Variants in APC2 observed in about 807,000 individuals in gnomAD.
APC2 encodes the protein APC regulator of Wnt signaling pathway 2.
A neutral mutation model predicts 72.5 loss-of-function variants in APC2; 41 were observed. That is an observed-to-expected ratio of 0.57 (90% CI 0.44 to 0.73). The LOEUF is 0.73. APC2 is among the 30% of genes least tolerant of loss of function. The pLI, the probability that APC2 is intolerant of heterozygous loss-of-function variation, is 0.00. For synonymous variants in APC2, 1,898 were observed against 1,612.0 expected, an observed-to-expected ratio of 1.18 and a Z score of -4.25; for missense variants, 3,729 against 3,403.4, an observed-to-expected ratio of 1.10 and a Z score of -2.38.
intron 9 of APC2, chr19:1,457,517 C>G (rs1417490307): frequency 7.3e-6 from 4 of 546,066 alleles, no homozygotes; most frequent in Admixed American, 3.8e-5. Flanking sequence ...CTTTGAGATT[C>G]TTTTTTTGCA....
In APC2 at chr19:1,464,567, A is replaced by T. The variant is rs552446881; in HGVS notation, c.1854-588A>T. Among the ~76,000 whole-genome samples the T allele has an allele frequency of 1.1e-3, 171 of 151,646 alleles. 1 individual carries two copies. Among genetic ancestry groups the T allele is most frequent in the African/African-American group, 3.8e-3 (157 of 41,342 alleles). ...CGAAACTTTCTCTCAGAAAAGATAG[A>T]TATAGACAGAATCTATCTAAGTATA... is the stretch of plus-strand genomic sequence containing the variant. On this transcript the variant is annotated intron_variant, in intron 14 of 14. Coordinates refer to ENST00000590469, the MANE Select transcript of APC2 (RefSeq NM_005883.3).
rs193036016 is a variant in APC2, at chr19:1,465,787, C to T, written c.2486C>T (p.Ala829Val). Residue 829 changes from alanine (A) to valine (V), a missense_variant, in exon 15 of 15, where the codon GCA (alanine) becomes GTA (valine). Transcript: ENST00000590469. ...CCCACCCGCCGAGGCGGCAAGGAGG[C>T]AGAGAAGGACACCAGTGGGGAGGCA... The part of the protein sequence containing the change: ...TPPTRRGGKE[A>V]EKDTSGEAAV... The T allele has an allele frequency of 3.7e-5, 59 of 1,577,436 alleles. 1 individual carries two copies. The East Asian group carries it at 1.4e-3, about 36-fold the overall frequency.
At chr19:1,461,277 T>G in intron 13 of APC2, 124 bp downstream of exon 13, 1 of 849,188 alleles carries the variant, frequency 1.2e-6, no homozygotes, top group Non-Finnish European at 1.9e-6. Context: ...TAGCGGGTGG[T>G]CCAGCCTCAG....
chr19:1,469,011 G>C lies in APC2; in HGVS notation c.5710G>C (p.Gly1904Arg). The change falls in exon 15 of 15, where the codon GGA (glycine) becomes CGA (arginine). Residue 1904 changes from glycine (G) to arginine (R), a missense_variant. Transcript: ENST00000590469. ...TQAAGALPGP[G>R]ASPVPKTPAR... ...GGCTGCTGGGGCCCTGCCCGGCCCC[G>C]GAGCCTCCCCGGTGCCCAAAACGCC... The C allele has an allele frequency of 1.1e-5, 17 of 1,552,566 alleles. No individual in the cohort carries two copies. Among genetic ancestry groups the C allele is most frequent in the Non-Finnish European group, 1.4e-5 (16 of 1,152,838 alleles).
chr19:1,461,774 C>A (rs953974570), intron 13 of APC2, 189 bp from the exon 14 acceptor site: 5 of 580,444 alleles, frequency 8.6e-6, no homozygotes, highest in Non-Finnish European at 1.5e-5. Flanking sequence ...ATCGCTTGAA[C>A]TGGGGAGTCG....
At chr19:1,462,248 T>A in intron 14 of APC2, 71 bp downstream of exon 14, 1 of 1,384,506 alleles carries the variant, frequency 7.2e-7, no homozygotes, top group Non-Finnish European at 9.7e-7. Context: ...GGCTGGGCAC[T>A]GTCCTCCCGT....
chr19:1,468,085 C>CG lies in APC2; in HGVS notation c.4786dup (p.Ala1596GlyfsTer64). On this transcript the variant is annotated frameshift_variant, in exon 15 of 15. Transcript: ENST00000590469. LOFTEE classifies it low-confidence loss of function (END_TRUNC). Reference sequence around the variant, plus strand: ...AGCGAGCCCGAGCCCTCGGAGCCGCCGGCCGTCCATCCACGAGGCCGGGAG... The same window carrying CG: ...AGCGAGCCCGAGCCCTCGGAGCCGCCGGGCCGTCCATCCACGAGGCCGGGAG... 1 of 1,547,576 alleles carries CG rather than the reference C, an allele frequency of 6.5e-7. No homozygotes were observed. Among genetic ancestry groups the CG allele is most frequent in the Non-Finnish European group, 8.6e-7 (1 of 1,156,294 alleles).
Position 1,466,716 on chromosome 19 carries a change from G to T in APC2, c.3415G>T (p.Val1139Leu). The T allele has an allele frequency of 6.5e-7, 1 of 1,534,648 alleles. No individual in the cohort carries two copies. Among genetic ancestry groups the T allele is most frequent in the Non-Finnish European group, 8.8e-7 (1 of 1,138,664 alleles). The change falls in exon 15 of 15, where the codon GTG (valine) becomes TTG (leucine). Residue 1139 changes from valine (V) to leucine (L), a missense_variant. Transcript: ENST00000590469. ...PRRNRGRGLG[V>L]EDATPSSSSE... is the part of the protein sequence containing the mutation. ...GCGTAACCGAGGCCGGGGCCTGGGG[G>T]TGGAAGACGCCACGCCGTCCAGCTC...
chr19:1,457,182 G>T lies in APC2; in HGVS notation c.1146G>T (p.Glu382Asp). ...HVLEQIRAYC[E>D]TCWDWLQARD... ...TGGAGCAGATCCGGGCCTACTGCGA[G>T]ACCTGCTGGGACTGGCTGCAGGCCC... Residue 382 changes from glutamate to aspartate, a missense_variant, in exon 9 of 15, where the codon GAG (glutamate) becomes GAT (aspartate). By Grantham distance (45) the Glu-to-Asp change is conservative. Coordinates refer to ENST00000590469, the MANE Select transcript of APC2 (RefSeq NM_005883.3). 6.4e-7 allele frequency: 1 copy of T among 1,570,622 alleles called. No homozygotes were observed. Among genetic ancestry groups the T allele is most frequent in the East Asian group, 2.4e-5 (1 of 42,252 alleles).
Position 1,469,271 on chromosome 19 carries a change from C to T in APC2, c.5970C>T (p.Gly1990=). ...SSGSESSDRS[G]FRRQLTFIKE... The stretch of plus-strand genomic sequence containing the variant: ...GCAGCGAGTCCTCCGACCGCTCGGG[C>T]TTCCGGCGACAGCTAACCTTCATCA... The change falls in exon 15 of 15, where the codon GGC becomes GGT. Residue 1990 remains glycine, a synonymous_variant. Coordinates refer to ENST00000590469, the MANE Select transcript of APC2 (RefSeq NM_005883.3). 2.8e-6 allele frequency: 4 copies of T among 1,426,780 alleles called. No individual in the cohort carries two copies. The highest frequency in any genetic ancestry group is 3.7e-6 in the Non-Finnish European group (4 of 1,088,238). The allele number at this position is 1,426,780 out of a possible 1,614,324, so 88.4% of individuals were successfully genotyped here. A position where few individuals can be genotyped will look rare whatever the true frequency, so the allele number is the denominator to read the frequency against.
In APC2 at chr19:1,468,966, A is replaced by C. The variant is rs545301297; in HGVS notation, c.5665A>C (p.Lys1889Gln). ...GCCCGCCTCCCAGCCCCTGCCCAGA[A>C]AGCGCCCCCCGGTCACCCAGGCTGC... Reference protein sequence around the residue: ...TSPASQPLPRKRPPVTQAAGA... With the variant: ...TSPASQPLPRQRPPVTQAAGA... The change falls in exon 15 of 15, where the codon AAG (lysine) becomes CAG (glutamine). Residue 1889 changes from lysine (K) to glutamine (Q), a missense_variant. By Grantham distance (53) the Lys-to-Gln change is moderately conservative. Transcript: ENST00000590469. 493 of 1,557,010 alleles carry C rather than the reference A, an allele frequency of 3.2e-4. 6 individuals carry two copies. The South Asian group carries it at 5.5e-3, about 17-fold the overall frequency.
intron 13 of APC2, chr19:1,461,359 G>GACA: frequency 1.7e-6 from 1 of 597,992 alleles, no homozygotes; most frequent in Non-Finnish European, 3.0e-6. Flanking sequence ...TGGCTCACTT[G>GACA]AGGTCAGGAG....
intron 14 of APC2, among the ~76,000 whole-genome samples, chr19:1,463,444 G>A (rs545519893): frequency 1.9e-4 from 29 of 150,804 alleles, no homozygotes; most frequent in African/African-American, 7.1e-4. Flanking sequence ...TTAACCAGGT[G>A]TGGTGGCTCA....
At chr19:1,463,824 AAAAT>A (rs374862875) in intron 14 of APC2, among the ~76,000 whole-genome samples, 96 of 152,280 alleles carry the variant, frequency 6.3e-4, no homozygotes, top group African/African-American at 2.2e-3. Flanking sequence ...CTTATTTATA[AAAAT>A]AAATAATATT....
chr19:1,457,895 C>G (rs113990038), intron 9 of APC2, 70 bp from the exon 10 acceptor site: 176 of 1,251,494 alleles, frequency 1.4e-4, no homozygotes, highest in African/African-American at 6.6e-4. Context: ...GGGCGGGTTG[C>G]GGGACCTTCG....
At chr19:1,449,731 C>G (rs1217355743), upstream of APC2, among the ~76,000 whole-genome samples, 1 of 152,150 alleles carries the variant, frequency 6.6e-6, no homozygotes, top group Admixed American at 6.5e-5. Context: ...CCAGGCCAGG[C>G]TGGACCTGTG....
chr19:1,466,115 A>G lies in APC2; in HGVS notation c.2814A>G (p.Pro938=). The change falls in exon 15 of 15, where the codon CCA becomes CCG. Residue 938 remains proline (P), a synonymous_variant. Transcript: ENST00000590469. ...NSGSASDGYC[P]REHMLPCPLA... is the part of the protein sequence containing the mutation. The stretch of plus-strand genomic sequence containing the variant: ...GCAGTGCCAGCGACGGGTACTGCCC[A>G]CGCGAACATATGCTGCCCTGCCCGC... 6.4e-7 allele frequency: 1 copy of G among 1,563,900 alleles called. No homozygotes were observed. The highest frequency in any genetic ancestry group is 2.4e-5 in the East Asian group (1 of 41,960).
chr19:1,461,142 C>A lies in APC2; in HGVS notation c.1627C>A (p.Arg543=), dbSNP rs549765381. 2 of 1,610,650 alleles carry A rather than the reference C, an allele frequency of 1.2e-6. No individual in the cohort carries two copies. Among genetic ancestry groups the A allele is most frequent in the East Asian group, 2.2e-5 (1 of 44,882 alleles). ...SVTALVQCVL[R]ATKESTLKSV... Reference sequence around the variant, plus strand: ...GACTGCCCTGGTGCAGTGTGTCCTGCGGGCCACCAAGGTGGGCACCCGGTG... The same window carrying A: ...GACTGCCCTGGTGCAGTGTGTCCTGAGGGCCACCAAGGTGGGCACCCGGTG... Residue 543 remains arginine, a synonymous_variant, in exon 13 of 15, where the codon CGG becomes AGG. Transcript: ENST00000590469.
Position 1,465,658 on chromosome 19 carries a change from C to T in APC2, c.2357C>T (p.Ser786Phe). ...TTTGACGACGACGATGCACCGTCATCCCTGGCTGCGGCCGCGGCCACCGGG... is the reference window on the plus strand; with the variant it reads ...TTTGACGACGACGATGCACCGTCATTCCTGGCTGCGGCCGCGGCCACCGGG... ...GCFDDDDAPS[S>F]LAAAAATGEP... is the part of the protein sequence containing the mutation. The change falls in exon 15 of 15, where the codon TCC (serine) becomes TTC (phenylalanine). Residue 786 changes from serine to phenylalanine, a missense_variant. Physicochemically the swap from Ser to Phe is radical, Grantham distance 155. Transcript: ENST00000590469. 1 of 1,601,584 alleles carries T rather than the reference C, an allele frequency of 6.2e-7. No individual in the cohort carries two copies. The highest frequency in any genetic ancestry group is 8.5e-7 in the Non-Finnish European group (1 of 1,175,266).
Sources: gnomAD v4.1 joint callset for allele counts (sites outside exome capture counted in the v4.1 genomes callset) on GRCh38, gnomAD v4.1.1 for gene constraint, MANE v1.5 for transcripts, NCBI Gene and HGNC (gene_info 2026-07-23, HGNC 2026-07-21) for gene names.